TENM3: variants seen among roughly 807,000 people sequenced by gnomAD.
TENM3 encodes teneurin transmembrane protein 3.
TENM3 carries 63 observed loss-of-function variants against 255.1 expected under a neutral mutation model. The ratio of observed to expected loss-of-function variants is 0.25; its 90% CI spans 0.20 to 0.30. The LOEUF is 0.30. Ranked by LOEUF, TENM3 falls within the 10% of genes least tolerant of loss-of-function variation. TENM3 has a pLI of 1.00. For missense variants in TENM3, 2,929 were observed against 3,461.1 expected (o/e 0.85, Z 3.86); for synonymous variants, 1,306 against 1,322.3 (o/e 0.99, Z 0.27).
At chr4:181,872,941 T>A in the TENM3 span, among the ~76,000 whole-genome samples, 1 of 152,204 alleles carries the variant, frequency 6.6e-6, no homozygotes, top group South Asian at 2.1e-4. Flanking sequence ...TTTTCTTAAT[T>A]AATTGCCTTA....
chr4:181,648,079 A>G, the TENM3 span, among the ~76,000 whole-genome samples: 36 of 152,214 alleles, frequency 2.4e-4, no homozygotes, highest in Non-Finnish European at 4.6e-4. Flanking sequence ...CCCGTGTTGC[A>G]CATTTAGGTG....
chr4:181,605,254 G>A, the TENM3 span, among the ~76,000 whole-genome samples: 59 of 151,702 alleles, frequency 3.9e-4, no homozygotes, highest in African/African-American at 1.4e-3. Context: ...GACCATCCTG[G>A]CTAACATGGT....
the TENM3 span, among the ~76,000 whole-genome samples, chr4:181,460,195 G>C: frequency 6.6e-6 from 1 of 151,922 alleles, no homozygotes; most frequent in African/African-American, 2.4e-5. Context: ...TTACTTATTA[G>C]TTCTGTGAAC....
chr4:182,309,199 A>G (rs1043424005), intron 1 of TENM3, among the ~76,000 whole-genome samples: 2 of 152,130 alleles, frequency 1.3e-5, no homozygotes, highest in Non-Finnish European at 2.9e-5. Flanking sequence ...CTGTCCACTG[A>G]CAGATGCCAT....
At chr4:182,220,680 G>C (rs1755801660) in intron 1 of TENM3, among the ~76,000 whole-genome samples, 1 of 152,052 alleles carries the variant, frequency 6.6e-6, no homozygotes, top group Admixed American at 6.5e-5. Flanking sequence ...GGAAAGTTTA[G>C]GTAAAAATTG....
chr4:182,775,514 G>C (rs1000450631), intron 24 of TENM3, among the ~76,000 whole-genome samples: 1 of 152,174 alleles, frequency 6.6e-6, no homozygotes, highest in Admixed American at 6.5e-5. Flanking sequence ...TTGTTCTGCT[G>C]AGCCCCAGAC....
chr4:182,000,949 A>C, the TENM3 span, among the ~76,000 whole-genome samples: 432 of 151,498 alleles, frequency 2.9e-3, no homozygotes, highest in African/African-American at 9.6e-3. Flanking sequence ...AATCTCAGGA[A>C]TGTTTTGAAG....
rs182454201 is a variant in TENM3, at chr4:182,414,434, T to G, written c.511+67505T>G. On this transcript the variant is annotated intron_variant, in intron 3 of 27. Coordinates refer to ENST00000511685, the MANE Select transcript of TENM3 (RefSeq NM_001080477.4). ...TTTAAAAGAAGAACTCTAAGTGAAA[T>G]CTATCATTTTAATAATGAGTATAGA... 2.8e-4 allele frequency among the ~76,000 whole-genome samples: 43 copies of G among 152,304 alleles called. No homozygotes were observed. The East Asian group carries it at 5.8e-3, about 20-fold the overall frequency.
At chr4:182,122,061 T>G in the TENM3 span, among the ~76,000 whole-genome samples, 3 of 152,356 alleles carry the variant, frequency 2.0e-5, no homozygotes, top group East Asian at 5.8e-4. Context: ...ACCACTTTCT[T>G]TGCTCTTCCA....
intron 3 of TENM3, among the ~76,000 whole-genome samples, chr4:182,459,060 T>G (rs536695086): frequency 6.6e-6 from 1 of 152,340 alleles, no homozygotes; most frequent in Admixed American, 6.5e-5. Context: ...ATAAAAATAG[T>G]TCTTGTTATT....
intron 3 of TENM3, among the ~76,000 whole-genome samples, chr4:182,504,132 G>T (rs925819661): frequency 6.6e-5 from 10 of 151,412 alleles, no homozygotes; most frequent in African/African-American, 2.4e-4. Context: ...AGTGCCTGAC[G>T]CCCGGAAACT....
At chr4:182,680,006 AT>A in intron 8 of TENM3, 130 bp downstream of exon 8, 1 of 835,670 alleles carries the variant, frequency 1.2e-6, no homozygotes. Context: ...TGTGAGAATT[AT>A]TTTTAAACCT....
the TENM3 span, among the ~76,000 whole-genome samples, chr4:181,760,222 A>T: frequency 1.3e-5 from 2 of 152,186 alleles, no homozygotes; most frequent in African/African-American, 4.8e-5. Context: ...CTCCACATAT[A>T]GATTTAAAAC....
the TENM3 span, among the ~76,000 whole-genome samples, chr4:181,921,058 A>G: frequency 6.6e-6 from 1 of 152,034 alleles, no homozygotes; most frequent in African/African-American, 2.4e-5. Context: ...ATTTGGCGTT[A>G]TTTCTGAGGG....
chr4:182,359,662 A>G (rs1352942227), intron 3 of TENM3, among the ~76,000 whole-genome samples: 2 of 143,194 alleles, frequency 1.4e-5, no homozygotes, highest in Middle Eastern at 3.3e-3. Context: ...GATTGTTTCA[A>G]AAAACCAGCT....
chr4:182,512,682 A>G (rs1488308758), intron 3 of TENM3, among the ~76,000 whole-genome samples: 4 of 152,224 alleles, frequency 2.6e-5, no homozygotes, highest in Admixed American at 2.0e-4. Context: ...AAATAAGAGC[A>G]TATTGGGAGT....
chr4:181,983,729 G>A, the TENM3 span, among the ~76,000 whole-genome samples: 5 of 152,032 alleles, frequency 3.3e-5, 1 homozygote, highest in South Asian at 1.0e-3. Flanking sequence ...TATGCACTGG[G>A]ACCGATTTTT....
the TENM3 span, among the ~76,000 whole-genome samples, chr4:181,681,932 T>G: frequency 6.6e-6 from 1 of 152,192 alleles, no homozygotes; most frequent in South Asian, 2.1e-4. Context: ...GTGGACTGTG[T>G]TCTAATTTCA....
At chr4:182,512,321 G>A (rs62337221) in intron 3 of TENM3, among the ~76,000 whole-genome samples, 11,585 of 152,158 alleles carry the variant, frequency 0.076, 502 homozygotes, top group East Asian at 0.11. Context: ...CTCAGGGACC[G>A]TAGAAGATGA....
Sources: gnomAD v4.1 joint callset for allele counts (sites outside exome capture counted in the v4.1 genomes callset) on GRCh38, gnomAD v4.1.1 for gene constraint, MANE v1.5 for transcripts, NCBI Gene and HGNC (gene_info 2026-07-23, HGNC 2026-07-21) for gene names.